ZNF366: variants seen among roughly 807,000 people sequenced by gnomAD.
The protein encoded by ZNF366 is zinc finger protein 366, also known as dendritic cell-specific transcript protein.
ZNF366 carries 20 observed loss-of-function variants against 47.2 expected under a neutral mutation model. That is an observed-to-expected ratio of 0.42 (90% CI 0.30 to 0.62). The LOEUF (loss-of-function observed/expected upper bound fraction) is 0.62. Ranked by LOEUF, ZNF366 falls within the 20% of genes least tolerant of loss-of-function variation. The pLI is 0.16. For missense variants in ZNF366, 987 were observed against 976.3 expected (o/e 1.01, Z -0.15); for synonymous variants, 421 against 395.1 (o/e 1.07, Z -0.78).
In ZNF366 at chr5:72,460,990, G is replaced by C. The variant is rs1294013047; in HGVS notation, c.507C>G (p.Phe169Leu). ...GGTAGTAGGGGTAGGGCGTGGGCAG[G>C]AATGGAGTGGGCGTTGGCTGGGGCC... ...AVWPQPTPTP[F>L]LPTPYPYYPK... Residue 169 changes from phenylalanine (F) to leucine (L), a missense_variant, in exon 2 of 5, where the codon TTC (phenylalanine) becomes TTG (leucine). Physicochemically the swap from Phe to Leu is conservative, Grantham distance 22. This residue lies in a region of ZNF366 where 591 missense variants were observed against 560.9 expected (regional missense o/e 1.05). Transcript: ENST00000318442. 6.2e-7 allele frequency: 1 copy of C among 1,614,062 alleles called. No individual in the cohort carries two copies. The highest frequency in any genetic ancestry group is 1.1e-5 in the South Asian group (1 of 91,078).
chr5:72,458,178 G>A (rs62360575), intron 2 of ZNF366, among the ~76,000 whole-genome samples: 14,606 of 151,670 alleles, frequency 0.096, 850 homozygotes, highest in Non-Finnish European at 0.13. Context: ...CACCATGCCC[G>A]GCTAATTTTT....
rs140774672 is a variant in ZNF366 at position 72,456,305 on chromosome 5, G to A, written c.1524+99C>T. 967 of 1,374,462 alleles carry A rather than the reference G, an allele frequency of 7.0e-4. 3 individuals carry two copies. In the African/African-American group the frequency reaches 8.8e-3, roughly 12 times the overall value. The allele number at this position is 1,374,462 out of a possible 1,614,324, so 85.1% of individuals were successfully genotyped here. ...GGCCACGGACCTACTCTGAGCCCCC[G>A]TAGCCCCACTGATGAAACAGAGTAG... On this transcript the variant is annotated intron_variant, in intron 3 of 4. Coordinates refer to ENST00000318442, the MANE Select transcript of ZNF366 (RefSeq NM_152625.3).
chr5:72,499,905 C>G (rs1481993954), intron 1 of ZNF366, among the ~76,000 whole-genome samples: 1 of 152,204 alleles, frequency 6.6e-6, no homozygotes, highest in Non-Finnish European at 1.5e-5. Context: ...CTTCAGCAAA[C>G]CAGAGGCGAT....
rs1442789526 is a variant in ZNF366, at chr5:72,447,324, T to C, written c.1618A>G (p.Ser540Gly). The change falls in exon 4 of 5, where the codon AGC (serine) becomes GGC (glycine). Residue 540 changes from serine to glycine, a missense_variant. By Grantham distance (56) the Ser-to-Gly change is moderately conservative (BLOSUM62 0). This residue lies in a region of ZNF366 where 111 missense variants were observed against 180.5 expected (regional missense o/e 0.61). Transcript: ENST00000318442. The stretch of plus-strand genomic sequence containing the variant: ...AGGTTCCCCTTCAGGGTGAATTTGC[T>C]TGGGCAATAGAGGCACTTGAAGGGT... The part of the protein sequence containing the change: ...SKPFKCLYCP[S>G]KFTLKGNLTR... The C allele has an allele frequency of 6.2e-7, 1 of 1,614,092 alleles. No individual in the cohort carries two copies. Among genetic ancestry groups the C allele is most frequent in the Non-Finnish European group, 8.5e-7 (1 of 1,180,054 alleles).
chr5:72,506,057 A>C (rs1041587070), intron 1 of ZNF366, among the ~76,000 whole-genome samples: 2 of 152,272 alleles, frequency 1.3e-5, no homozygotes, highest in Non-Finnish European at 2.9e-5. Flanking sequence ...TTTTGAATAA[A>C]GATTAATTAC....
At chr5:72,457,143 C>T (rs1743208732) in intron 2 of ZNF366, among the ~76,000 whole-genome samples, 3 of 152,160 alleles carry the variant, frequency 2.0e-5, no homozygotes, top group African/African-American at 4.8e-5. Flanking sequence ...CCCTGGGTTC[C>T]CACAGGCCAC....
chr5:72,498,256 T>TA (rs1203384551), intron 1 of ZNF366, among the ~76,000 whole-genome samples: 2 of 152,218 alleles, frequency 1.3e-5, no homozygotes, highest in South Asian at 2.1e-4. Context: ...TATTTTAATT[T>TA]AAAAAATCAA....
At chr5:72,451,200 G>A (rs201680202) in intron 3 of ZNF366, among the ~76,000 whole-genome samples, 14 of 152,370 alleles carry the variant, frequency 9.2e-5, no homozygotes, top group Non-Finnish European at 1.5e-4. Flanking sequence ...ATCTCATTGC[G>A]CAGGTGCGCA....
At chr5:72,469,942 C>A in intron 1 of ZNF366, among the ~76,000 whole-genome samples, 1 of 152,192 alleles carries the variant, frequency 6.6e-6, no homozygotes, top group East Asian at 1.9e-4. Context: ...CTACTCAGGA[C>A]GCTGAGGTGG....
In ZNF366 at chr5:72,478,605, A is replaced by G. The variant is rs79450530; in HGVS notation, c.-14-17095T>C. ...TCACTGAGTTTGGAAAGTCAGTTAAATTTGAGAGTCTATTTATTTTTACCC... is the reference window on the plus strand; with the variant it reads ...TCACTGAGTTTGGAAAGTCAGTTAAGTTTGAGAGTCTATTTATTTTTACCC... On this transcript the variant is annotated intron_variant, in intron 1 of 4. Coordinates refer to ENST00000318442, the MANE Select transcript of ZNF366 (RefSeq NM_152625.3). Among the ~76,000 whole-genome samples the G allele has an allele frequency of 9.8e-5, 15 of 152,344 alleles. No homozygotes were observed. The East Asian group carries it at 2.9e-3, about 29-fold the overall frequency.
chr5:72,478,043 AT>A (rs1743711051), intron 1 of ZNF366, among the ~76,000 whole-genome samples: 1 of 152,078 alleles, frequency 6.6e-6, no homozygotes. Context: ...CTATTTCTGA[AT>A]TCCAGCAACA....
At chr5:72,465,432 A>G (rs1654474665) in intron 1 of ZNF366, among the ~76,000 whole-genome samples, 1 of 152,224 alleles carries the variant, frequency 6.6e-6, no homozygotes, top group Admixed American at 6.5e-5. Flanking sequence ...TTTATCTTGA[A>G]ATCAGTCAAG....
rs1330236367 is a variant in ZNF366 at position 72,476,786 on chromosome 5, G to T, written c.-14-15276C>A. Among the ~76,000 whole-genome samples the T allele has an allele frequency of 2.6e-5, 4 of 152,298 alleles. No individual in the cohort carries two copies. In the East Asian group the frequency reaches 7.7e-4, roughly 29 times the overall value. On this transcript the variant is annotated intron_variant, in intron 1 of 4. Coordinates refer to ENST00000318442, the MANE Select transcript of ZNF366 (RefSeq NM_152625.3). ...TCTCTCCATCCCACATCAAGACCCT[G>T]CCCAGCCACTTGGTGAGAAGCTGGG...
intron 3 of ZNF366, among the ~76,000 whole-genome samples, chr5:72,452,587 A>G (rs989861703): frequency 3.7e-4 from 57 of 152,220 alleles, no homozygotes; most frequent in African/African-American, 1.3e-3. Flanking sequence ...GGGAAAATGG[A>G]GCCAGTTTGA....
chr5:72,464,959 G>T (rs1743400931), intron 1 of ZNF366, among the ~76,000 whole-genome samples: 1 of 151,964 alleles, frequency 6.6e-6, no homozygotes, highest in African/African-American at 2.4e-5. Context: ...TTGGGAGGCT[G>T]AGGCAGGACG....
intron 1 of ZNF366, among the ~76,000 whole-genome samples, chr5:72,503,175 A>G (rs1381624915): frequency 1.3e-5 from 2 of 152,166 alleles, no homozygotes; most frequent in African/African-American, 4.8e-5. Context: ...GATCTAAGTA[A>G]TTGATCTTGT....
intron 4 of ZNF366, among the ~76,000 whole-genome samples, chr5:72,445,606 T>C (rs1442124954): frequency 6.6e-6 from 1 of 152,172 alleles, no homozygotes; most frequent in African/African-American, 2.4e-5. Flanking sequence ...GATAGTTATT[T>C]TTCCAGAACA....
chr5:72,461,596 A>G, intron 1 of ZNF366, 86 bp from the exon 2 acceptor site: 1 of 1,478,070 alleles, frequency 6.8e-7, no homozygotes, highest in Non-Finnish European at 9.0e-7. Context: ...ATTTATCAGT[A>G]CTAATTTATG....
At chr5:72,491,802 C>T (rs188545364) in intron 1 of ZNF366, among the ~76,000 whole-genome samples, 3 of 152,298 alleles carry the variant, frequency 2.0e-5, no homozygotes, top group African/African-American at 7.2e-5. Context: ...GAAAATCAAT[C>T]ATTTTATTTC....
Sources: gnomAD v4.1 joint callset for allele counts (sites outside exome capture counted in the v4.1 genomes callset) on GRCh38, gnomAD v4.1.1 for gene constraint, gnomAD v4.1.1 regional missense constraint, MANE v1.5 for transcripts, NCBI Gene and HGNC (gene_info 2026-07-23, HGNC 2026-07-21) for gene names.